The following TMBIM1 variants were observed in gnomAD, a reference collection of about 807,000 sequenced individuals.
The protein encoded by TMBIM1 is protein lifeguard 3.
TMBIM1 carries 34 observed loss-of-function variants against 45.1 expected under a neutral mutation model. The observed-to-expected ratio is 0.75, with a 90% CI of 0.57 to 1.00. The LOEUF is 1.00. TMBIM1 is among the 50% of genes least tolerant of loss of function. The pLI, the probability that TMBIM1 is intolerant of heterozygous loss-of-function variation, is 0.00. For synonymous variants in TMBIM1, 157 were observed against 153.5 expected, an observed-to-expected ratio of 1.02 and a Z score of -0.17; for missense variants, 374 against 402.4, an observed-to-expected ratio of 0.93 and a Z score of 0.60.
intron 1 of TMBIM1, among the ~76,000 whole-genome samples, chr2:218,283,014 G>A (rs1475329552): frequency 6.6e-6 from 1 of 152,176 alleles, no homozygotes; most frequent in Non-Finnish European, 1.5e-5. Context: ...CCACCCTGGA[G>A]GGGGAGACAG....
At chr2:218,290,447 G>A (rs1206107502) in intron 1 of TMBIM1, among the ~76,000 whole-genome samples, 2 of 152,180 alleles carry the variant, frequency 1.3e-5, no homozygotes, top group African/African-American at 4.8e-5. Flanking sequence ...ACACCCAGCT[G>A]CCCCTCAGAG....
At chr2:218,283,981 A>C (rs1400787600) in intron 1 of TMBIM1, 1 of 152,072 alleles carries the variant, frequency 6.6e-6, no homozygotes, top group Non-Finnish European at 1.5e-5. Flanking sequence ...CCTGGCCAAC[A>C]TAGTGAAAAC....
chr2:218,278,049 G>C (rs1691427560), intron 6 of TMBIM1, 75 bp from the exon 7 acceptor site: 7 of 1,556,780 alleles, frequency 4.5e-6, no homozygotes, highest in Middle Eastern at 3.4e-4. Context: ...GCAGAAGGAA[G>C]CGCTTGGCTC....
At chr2:218,275,699 T>A in intron 11 of TMBIM1, 78 bp from the exon 12 acceptor site, 1 of 1,535,772 alleles carries the variant, frequency 6.5e-7, no homozygotes, top group South Asian at 1.2e-5. Context: ...AGATTTGTCT[T>A]GGGGGCCTAT....
chr2:218,276,596 T>C lies in TMBIM1; in HGVS notation c.735+408A>G, dbSNP rs564055953. 3.4e-3 allele frequency among the ~76,000 whole-genome samples: 517 copies of C among 152,174 alleles called. 4 individuals are homozygous for C. Among genetic ancestry groups the C allele is most frequent in the African/African-American group, 0.012 (498 of 41,522 alleles). ...TCCCCATCCTTCCCCTTCGGCACTG[T>C]TCTCCCCCAGCTGAACAGAATAAAG... is the stretch of plus-strand genomic sequence containing the variant. On this transcript the variant is annotated intron_variant, in intron 10 of 11. Coordinates refer to ENST00000258412, the MANE Select transcript of TMBIM1 (RefSeq NM_022152.6).
chr2:218,277,690 A>G lies in TMBIM1; in HGVS notation c.514-20T>C. ...AAAAGTCTAAGGGAAGGAGAGAGAC[A>G]AGAATGAAACACTTAAAAAGGAAGG... is the stretch of plus-strand genomic sequence containing the variant. On this transcript the variant is annotated intron_variant, in intron 7 of 11. Transcript: ENST00000258412. 6.2e-7 allele frequency: 1 copy of G among 1,614,134 alleles called. No individual in the cohort carries two copies. The highest frequency in any genetic ancestry group is 8.5e-7 in the Non-Finnish European group (1 of 1,179,978).
At chr2:218,279,552 T>C in intron 3 of TMBIM1, 199 bp from the exon 4 acceptor site, 1 of 531,896 alleles carries the variant, frequency 1.9e-6, no homozygotes, top group Non-Finnish European at 3.3e-6. Context: ...CCCTGCCATC[T>C]CCCCTCCTGT....
chr2:218,281,658 G>A (rs1042456094), intron 2 of TMBIM1, among the ~76,000 whole-genome samples: 3 of 152,170 alleles, frequency 2.0e-5, no homozygotes, highest in African/African-American at 7.2e-5. Flanking sequence ...AACCCCTCAG[G>A]AGTCATTACT....
chr2:218,280,534 G>A (rs1436899749), intron 2 of TMBIM1: 1 of 255,190 alleles, frequency 3.9e-6, no homozygotes, highest in Non-Finnish European at 7.8e-6. Flanking sequence ...GCAGCAGCAG[G>A]GATAGAGGTG....
In TMBIM1 at chr2:218,275,620, A is replaced by T; in HGVS notation, c.791T>A (p.Phe264Tyr). Residue 264 changes from phenylalanine to tyrosine, a missense_variant and splice_region_variant, in exon 12 of 12, where the codon TTC (phenylalanine) becomes TAC (tyrosine). Physicochemically the swap from Phe to Tyr is conservative, Grantham distance 22. Coordinates refer to ENST00000258412, the MANE Select transcript of TMBIM1 (RefSeq NM_022152.6). ...AALGAICFTL[F>Y]LAYDTQLVLG... ...GACCAGCTGTGTGTCGTAAGCCAGG[A>T]ACTGCAAGGATAGGGAAGCCAGAAG... 1.2e-6 allele frequency: 2 copies of T among 1,609,784 alleles called. No individual in the cohort carries two copies. The highest frequency in any genetic ancestry group is 1.7e-6 in the Non-Finnish European group (2 of 1,178,582).
Position 218,275,593 on chromosome 2 carries a change from A to G in TMBIM1, c.818T>C (p.Leu273Pro). Residue 273 changes from leucine (L) to proline (P), a missense_variant, in exon 12 of 12, where the codon CTG becomes CCG. Coordinates refer to ENST00000258412, the MANE Select transcript of TMBIM1 (RefSeq NM_022152.6). The stretch of plus-strand genomic sequence containing the variant: ...GCTGATGGTGTGCTTCCGGTTCCCC[A>G]GGACCAGCTGTGTGTCGTAAGCCAG... ...LFLAYDTQLV[L>P]GNRKHTISPE... The G allele has an allele frequency of 6.2e-7, 1 of 1,613,744 alleles. No individual in the cohort carries two copies.
chr2:218,277,822 A>G (rs1691395855), intron 7 of TMBIM1, 113 bp downstream of exon 7: 1 of 1,555,952 alleles, frequency 6.4e-7, no homozygotes, highest in African/African-American at 1.4e-5. Context: ...GGCGGCCCAG[A>G]TAAGGTGGAG....
chr2:218,290,888 T>C (rs1692888004), intron 1 of TMBIM1, among the ~76,000 whole-genome samples: 1 of 152,208 alleles, frequency 6.6e-6, no homozygotes, highest in Admixed American at 6.5e-5. Flanking sequence ...CATGTCATGA[T>C]CAGACATGTT....
At chr2:218,280,737 AACT>A (rs920644034) in intron 2 of TMBIM1, 5 of 152,516 alleles carry the variant, frequency 3.3e-5, no homozygotes, top group Non-Finnish European at 5.8e-5. Flanking sequence ...CCTCTTTGGG[AACT>A]ACTTTTAAAA....
chr2:218,284,919 G>A (rs897503302), intron 1 of TMBIM1, among the ~76,000 whole-genome samples: 3 of 152,104 alleles, frequency 2.0e-5, no homozygotes, highest in African/African-American at 4.8e-5. Flanking sequence ...GTGAAACCCC[G>A]TCTCTACTAA....
At position 218,280,022 on chromosome 2, in the gene TMBIM1, T is replaced by C; in HGVS notation, c.303+4A>G. ...GTACACCCACCTCCCAGCGCGTATC[T>C]TACCTTTCGGATAAAAGTGTGTCGC... On this transcript the variant is annotated splice_donor_region_variant and intron_variant, in intron 3 of 11. Transcript: ENST00000258412. 1 of 1,613,802 alleles carries C rather than the reference T, an allele frequency of 6.2e-7. No homozygotes were observed. Among genetic ancestry groups the C allele is most frequent in the Non-Finnish European group, 8.5e-7 (1 of 1,179,690 alleles).
rs1691097253 is a variant in TMBIM1, at chr2:218,275,488, C to T, written c.923G>A (p.Gly308Glu). 3 of 1,613,488 alleles carry T rather than the reference C, an allele frequency of 1.9e-6. No homozygotes were observed. Among genetic ancestry groups the T allele is most frequent in the Admixed American group, 1.7e-5 (1 of 59,934 alleles). ...YIFTFVLQLMGDRN is the reference protein window; with the variant it reads ...YIFTFVLQLMEDRN ...GGGGCTTGCTCCTTAATTGCGATCCCCCATCAGCTGCAGCACAAAGGTGAA... is the reference window on the plus strand; with the variant it reads ...GGGGCTTGCTCCTTAATTGCGATCCTCCATCAGCTGCAGCACAAAGGTGAA... Residue 308 changes from glycine to glutamate, a missense_variant, in exon 12 of 12, where the codon GGG becomes GAG. By Grantham distance (98) the Gly-to-Glu change is moderately conservative. Transcript: ENST00000258412.
intron 8 of TMBIM1, 35 bp from the exon 9 acceptor site, chr2:218,277,488 T>C: frequency 6.2e-7 from 1 of 1,611,260 alleles, no homozygotes; most frequent in East Asian, 2.2e-5. Flanking sequence ...CAAGAGGCAT[T>C]AAGCCACGTA....
Position 218,276,053 on chromosome 2 carries a change from AG to A in TMBIM1, c.761del (p.Ala254ValfsTer53). 1 of 1,613,216 alleles carries A rather than the reference AG, an allele frequency of 6.2e-7. No individual in the cohort carries two copies. The highest frequency in any genetic ancestry group is 8.5e-7 in the Non-Finnish European group (1 of 1,179,668). On this transcript the variant is annotated frameshift_variant, in exon 11 of 12. Transcript: ENST00000258412. LOFTEE classifies it high-confidence loss of function. ...GGGTGAAACAAATGGCCCCCAGAGC[AG>A]CATAGAGCATGTGGAGCCAGTAAAC... is the stretch of plus-strand genomic sequence containing the variant. ...QYVYWLHMLY[A>X]ALGAICFTLF...
Sources: allele counts gnomAD v4.1 joint callset (sites outside exome capture counted in the v4.1 genomes callset), GRCh38; gene constraint gnomAD v4.1.1; transcripts MANE v1.5; gene names NCBI Gene and HGNC (gene_info 2026-07-23, HGNC 2026-07-21).